The following DLG2 variants were observed in gnomAD, a reference collection of about 807,000 sequenced individuals.
DLG2 encodes the protein discs large MAGUK scaffold protein 2, also known as disks large homolog 2.
A neutral mutation model predicts 132.5 loss-of-function variants in DLG2; 45 were observed. That is an observed-to-expected ratio of 0.34 (90% CI 0.27 to 0.44). The LOEUF is 0.44. Ranked by LOEUF, DLG2 falls within the 20% of genes least tolerant of loss-of-function variation. The pLI is 1.00. For synonymous variants in DLG2, 424 were observed against 419.6 expected, an observed-to-expected ratio of 1.01 and a Z score of -0.13; for missense variants, 1,045 against 1,196.9, an observed-to-expected ratio of 0.87 and a Z score of 1.87.
intron 6 of DLG2, among the ~76,000 whole-genome samples, chr11:84,841,276 A>G (rs1250664721): frequency 6.6e-6 from 1 of 151,990 alleles, no homozygotes; most frequent in African/African-American, 2.4e-5. Context: ...AGGAGATCCC[A>G]GTTTTGCTGT....
intron 9 of DLG2, among the ~76,000 whole-genome samples, chr11:84,146,537 AAATTAGAAAAAT>A (rs1229843203): frequency 2.6e-5 from 4 of 152,174 alleles, no homozygotes; most frequent in African/African-American, 7.2e-5. Context: ...TTAGAAAAAG[AAATTAGAAAAAT>A]AATTAGAAAA....
chr11:83,883,780 C>G lies in DLG2; in HGVS notation c.1497-9292G>C, dbSNP rs1159467430. On this transcript the variant is annotated intron_variant, in intron 15 of 27. Coordinates refer to ENST00000376104, the MANE Select transcript of DLG2 (RefSeq NM_001142699.3). ...CTGCATCTCAGAAAGCAATAAGGCA[C>G]TTAGTAATGTATGAACATGTATACA... is the stretch of plus-strand genomic sequence containing the variant. 2.7e-5 allele frequency among the ~76,000 whole-genome samples: 4 copies of G among 149,448 alleles called. No homozygotes were observed. In the East Asian group the frequency reaches 7.9e-4, roughly 29 times the overall value.
intron 18 of DLG2, among the ~76,000 whole-genome samples, chr11:83,731,376 G>C (rs886355885): frequency 2.6e-5 from 4 of 152,212 alleles, no homozygotes; most frequent in African/African-American, 9.6e-5. Context: ...TTATGAGTGA[G>C]AACACGTAGT....
At chr11:85,021,917 G>T (rs1332456972) in intron 6 of DLG2, among the ~76,000 whole-genome samples, 1 of 152,002 alleles carries the variant, frequency 6.6e-6, no homozygotes, top group Admixed American at 6.6e-5. Flanking sequence ...CAAAAAATTA[G>T]TATATATTAA....
intron 3 of DLG2, among the ~76,000 whole-genome samples, chr11:85,553,744 C>A (rs1055492465): frequency 1.3e-5 from 2 of 150,906 alleles, no homozygotes; most frequent in Non-Finnish European, 3.0e-5. Context: ...TACTAAATAC[C>A]AAGAATAAGT....
At chr11:85,607,829 C>A (rs1287156506) in intron 2 of DLG2, among the ~76,000 whole-genome samples, 2 of 152,202 alleles carry the variant, frequency 1.3e-5, no homozygotes, top group Non-Finnish European at 2.9e-5. Flanking sequence ...CTGGAGATCC[C>A]TCCCCTCCCT....
rs1284596294 is a variant in DLG2 at position 85,285,342 on chromosome 11, T to C, written c.64A>G (p.Thr22Ala). The C allele has an allele frequency of 2.2e-5, 35 of 1,611,018 alleles. No individual in the cohort carries two copies. Among genetic ancestry groups the C allele is most frequent in the Non-Finnish European group, 2.8e-5 (33 of 1,178,368 alleles). Residue 22 changes from threonine to alanine, a missense_variant, in exon 4 of 28, where the codon ACA (threonine) becomes GCA (alanine). Transcript: ENST00000376104. ...LLDIQEFYEV[T>A]LLNSQKSCEQ... ...CAACTTTTTTGAGAATTTAGCAATG[T>C]CACCTCATAAAATTCTTGGATATCT...
intron 6 of DLG2, among the ~76,000 whole-genome samples, chr11:84,554,469 G>A (rs1473917773): frequency 1.3e-5 from 2 of 152,100 alleles, no homozygotes; most frequent in Admixed American, 6.6e-5. Flanking sequence ...AAAATGGGCC[G>A]GGTGCGGTAG....
intron 18 of DLG2, among the ~76,000 whole-genome samples, chr11:83,662,833 A>G (rs889176791): frequency 4.6e-5 from 7 of 152,172 alleles, no homozygotes; most frequent in Non-Finnish European, 1.0e-4. Context: ...CCAGGATGTT[A>G]AAGGCAAGTA....
chr11:85,411,381 C>T (rs2089296279), intron 3 of DLG2, among the ~76,000 whole-genome samples: 1 of 151,684 alleles, frequency 6.6e-6, no homozygotes, highest in East Asian at 1.9e-4. Context: ...TCTCTTGCAG[C>T]GTTAAAGAAC....
chr11:85,077,513 C>A (rs1446085434), intron 6 of DLG2, among the ~76,000 whole-genome samples: 1 of 151,800 alleles, frequency 6.6e-6, no homozygotes, highest in Non-Finnish European at 1.5e-5. Context: ...TTTGCTGGAA[C>A]TTGAAAAAAA....
At chr11:85,330,801 A>T (rs2081666446) in intron 3 of DLG2, among the ~76,000 whole-genome samples, 1 of 150,060 alleles carries the variant, frequency 6.7e-6, no homozygotes, top group Non-Finnish European at 1.5e-5. Flanking sequence ...TTAAAAAAAA[A>T]AAAAAAAAAA....
At chr11:84,157,677 C>A (rs922201186) in intron 9 of DLG2, among the ~76,000 whole-genome samples, 1 of 152,168 alleles carries the variant, frequency 6.6e-6, no homozygotes, top group Non-Finnish European at 1.5e-5. Context: ...TTACTTCATG[C>A]GGACCACATA....
intron 6 of DLG2, among the ~76,000 whole-genome samples, chr11:84,576,942 A>T (rs1261608705): frequency 6.6e-6 from 1 of 152,150 alleles, no homozygotes; most frequent in African/African-American, 2.4e-5. Flanking sequence ...CTTGAATTTT[A>T]TCTCCCAGAA....
chr11:84,830,149 C>A (rs2078843708), intron 6 of DLG2, among the ~76,000 whole-genome samples: 1 of 151,398 alleles, frequency 6.6e-6, no homozygotes, highest in African/African-American at 2.4e-5. Flanking sequence ...TACATTTTTT[C>A]CTTACCCCTT....
chr11:85,281,037 T>A lies in DLG2; in HGVS notation c.186+4183A>T, dbSNP rs141669804. Among the ~76,000 whole-genome samples, 30 of 152,104 alleles carry A rather than the reference T, an allele frequency of 2.0e-4. 1 individual carries two copies. The East Asian group carries it at 5.4e-3, about 27-fold the overall frequency. ...GGATGTGAAGGATCAGGGTGCTGAT[T>A]TACATTTTCCAGAAACTTCATATAA... On this transcript the variant is annotated intron_variant, in intron 4 of 27. Coordinates refer to ENST00000376104, the MANE Select transcript of DLG2 (RefSeq NM_001142699.3).
intron 18 of DLG2, among the ~76,000 whole-genome samples, chr11:83,644,270 G>C (rs999781162): frequency 7.9e-5 from 12 of 152,074 alleles, no homozygotes; most frequent in African/African-American, 2.9e-4. Context: ...TGCTAATGTG[G>C]CCATCTCTCC....
chr11:84,059,246 C>T, intron 11 of DLG2, 69 bp downstream of exon 11: 1 of 1,474,198 alleles, frequency 6.8e-7, no homozygotes, highest in Non-Finnish European at 9.4e-7. Flanking sequence ...CATCATACGA[C>T]TATCGTGGCA....
intron 2 of DLG2, among the ~76,000 whole-genome samples, chr11:85,608,599 C>G (rs2153264559): frequency 6.6e-6 from 1 of 152,226 alleles, no homozygotes; most frequent in Middle Eastern, 3.4e-3. Context: ...GGATAAGCCT[C>G]CTCTAATCTC....
Sources: allele counts gnomAD v4.1 joint callset (sites outside exome capture counted in the v4.1 genomes callset), GRCh38; gene constraint gnomAD v4.1.1; transcripts MANE v1.5; gene names NCBI Gene and HGNC (gene_info 2026-07-23, HGNC 2026-07-21).